The following PARD6G variants were observed in gnomAD, a reference collection of about 807,000 sequenced individuals.
The protein encoded by PARD6G is par-6 family cell polarity regulator gamma.
PARD6G carries 7 observed loss-of-function variants against 10.7 expected under a neutral mutation model. That is an observed-to-expected ratio of 0.66 (90% CI 0.37 to 1.23). The LOEUF (loss-of-function observed/expected upper bound fraction) is 1.23, where lower values mean the gene tolerates loss of function less well. PARD6G is among the 50% of genes most tolerant of loss of function. PARD6G has a pLI of 0.02. For synonymous variants in PARD6G, 287 were observed against 269.4 expected, an observed-to-expected ratio of 1.07 and a Z score of -0.64; for missense variants, 548 against 571.8, an observed-to-expected ratio of 0.96 and a Z score of 0.42.
chr18:80,160,335 C>G lies in PARD6G; in HGVS notation c.567G>C (p.Lys189Asn). ...SVRVTPHGLE[K>N]VPGIFISRMV... is the part of the protein sequence containing the mutation. ...TGCGCGAGATGAAGATGCCGGGCAC[C>G]TTCTCCAGCCCGTGCGGGGTCACGC... is the stretch of plus-strand genomic sequence containing the variant. Residue 189 changes from lysine to asparagine, a missense_variant, in exon 3 of 3, where the codon AAG becomes AAC. Physicochemically the swap from Lys to Asn is moderately conservative, Grantham distance 94 (BLOSUM62 0). Coordinates refer to ENST00000353265, the MANE Select transcript of PARD6G (RefSeq NM_032510.4). 1 of 1,611,934 alleles carries G rather than the reference C, an allele frequency of 6.2e-7. No individual in the cohort carries two copies. The highest frequency in any genetic ancestry group is 8.5e-7 in the Non-Finnish European group (1 of 1,179,806).
rs371707710 is a variant in PARD6G, at chr18:80,183,068, G to A, written c.295+19642C>T. On this transcript the variant is annotated intron_variant, in intron 2 of 2. Coordinates refer to ENST00000353265, the MANE Select transcript of PARD6G (RefSeq NM_032510.4). This position sits in a 1 kb window ranked among gnomAD's most constrained non-coding sequence, Gnocchi z 4.5. ...CATCCATTCTCTACCATGGCATGCC[G>A]ACAACAGGGGCACAGAGAAGTCCCC... 2 of 702,500 alleles carry A rather than the reference G, an allele frequency of 2.8e-6. No individual in the cohort carries two copies. The highest frequency in any genetic ancestry group is 1.5e-5 in the South Asian group (1 of 67,538). 43.5% of individuals were successfully genotyped at this position (702,500 alleles called of 1,614,324 possible). A position where few individuals can be genotyped will look rare whatever the true frequency, so the allele number is the denominator to read the frequency against.
intron 1 of PARD6G, among the ~76,000 whole-genome samples, chr18:80,219,149 C>G (rs1046974162): frequency 1.3e-5 from 2 of 152,220 alleles, no homozygotes; most frequent in Admixed American, 1.3e-4. Context: ...CATTCGGCTC[C>G]TTGTTGCTTA....
intron 1 of PARD6G, among the ~76,000 whole-genome samples, chr18:80,232,757 C>T (rs527241049): frequency 9.2e-5 from 14 of 152,254 alleles, no homozygotes; most frequent in African/African-American, 1.4e-4. Flanking sequence ...AGGCCAAACA[C>T]GCCCACACCA....
At chr18:80,220,402 G>A (rs971153301) in intron 1 of PARD6G, among the ~76,000 whole-genome samples, 1 of 152,150 alleles carries the variant, frequency 6.6e-6, no homozygotes, top group African/African-American at 2.4e-5. Context: ...TAAATGCAAT[G>A]TGTTATCCTG....
At chr18:80,244,548 A>C (rs1424510070) in intron 1 of PARD6G, among the ~76,000 whole-genome samples, 2 of 152,332 alleles carry the variant, frequency 1.3e-5, no homozygotes, top group East Asian at 3.9e-4. Context: ...AAAATGCCAA[A>C]GAATTCTGAC....
At position 80,247,267 on chromosome 18, in the gene PARD6G, G is replaced by A. The variant is rs377054744; in HGVS notation, c.72+10C>T. The A allele has an allele frequency of 1.3e-6, 2 of 1,572,810 alleles. No homozygotes were observed. The highest frequency in any genetic ancestry group is 1.7e-6 in the Non-Finnish European group (2 of 1,159,936). ...GGGCGCAGGGCCGCCGGGGCGGGCGGGGGGCTTACCTTGCTCTTGACTTCC... is the reference window on the plus strand; with the variant it reads ...GGGCGCAGGGCCGCCGGGGCGGGCGAGGGGCTTACCTTGCTCTTGACTTCC... On this transcript the variant is annotated intron_variant, in intron 1 of 2. Coordinates refer to ENST00000353265, the MANE Select transcript of PARD6G (RefSeq NM_032510.4). The surrounding 1 kb of genome is among the most constrained non-coding windows in gnomAD (Gnocchi z 4.2).
In PARD6G at chr18:80,175,642, T is replaced by C. The variant is rs2052804061; in HGVS notation, c.296-15036A>G. On this transcript the variant is annotated intron_variant, in intron 2 of 2. Transcript: ENST00000353265. This position sits in a 1 kb window ranked among gnomAD's most constrained non-coding sequence, Gnocchi z 6.7. ...CACTGTTCCGTAATTGTTCTCTTGC[T>C]GAGTGTATCTGAGTCACGTTCTCTG... 6.6e-6 allele frequency among the ~76,000 whole-genome samples: 1 copy of C among 152,226 alleles called. No homozygotes were observed. Among genetic ancestry groups the C allele is most frequent in the Non-Finnish European group, 1.5e-5 (1 of 68,038 alleles).
At chr18:80,229,249 T>G (rs180874953) in intron 1 of PARD6G, among the ~76,000 whole-genome samples, 1 of 152,178 alleles carries the variant, frequency 6.6e-6, no homozygotes, top group African/African-American at 2.4e-5. Flanking sequence ...GAAGTGGTAT[T>G]TGAAAAGGAT....
At chr18:80,224,606 G>A (rs1036557174) in intron 1 of PARD6G, among the ~76,000 whole-genome samples, 22 of 152,346 alleles carry the variant, frequency 1.4e-4, no homozygotes, top group Admixed American at 7.2e-4. Context: ...CCAGCACTTT[G>A]AGAGGCCGAG....
intron 2 of PARD6G, among the ~76,000 whole-genome samples, chr18:80,162,820 T>C (rs1424863509): frequency 6.6e-6 from 1 of 151,834 alleles, no homozygotes; most frequent in South Asian, 2.1e-4. Context: ...GGAGGGTGAG[T>C]GGCACAGAGC....
intron 2 of PARD6G, among the ~76,000 whole-genome samples, chr18:80,194,877 G>A (rs1365101534): frequency 1.3e-5 from 2 of 152,138 alleles, no homozygotes; most frequent in South Asian, 2.1e-4. Context: ...GAGCCCCTCC[G>A]AGGGGATGGC....
At chr18:80,190,435 G>A (rs905780971) in intron 2 of PARD6G, among the ~76,000 whole-genome samples, 3 of 152,170 alleles carry the variant, frequency 2.0e-5, no homozygotes, top group African/African-American at 4.8e-5. Context: ...GTCCAAGGAG[G>A]TGTCCCTTTA....
At position 80,159,347 on chromosome 18, in the gene PARD6G, C is replaced by CAAGT. The variant is rs2052678138; in HGVS notation, c.*420_*423dup. On this transcript the variant is annotated 3_prime_UTR_variant, in exon 3 of 3. Coordinates refer to ENST00000353265, the MANE Select transcript of PARD6G (RefSeq NM_032510.4). The stretch of plus-strand genomic sequence containing the variant: ...ACATCAGCACAGTCGGCCTCGCCTG[C>CAAGT]AAGTCAGCAGAGAGCACAGCAAGAA... 1 of 155,790 alleles carries CAAGT rather than the reference C, an allele frequency of 6.4e-6. No homozygotes were observed. Among genetic ancestry groups the CAAGT allele is most frequent in the Non-Finnish European group, 1.4e-5 (1 of 70,460 alleles). 9.7% of individuals were successfully genotyped at this position (155,790 alleles called of 1,614,324 possible).
chr18:80,218,938 A>G (rs1014847370), intron 1 of PARD6G, among the ~76,000 whole-genome samples: 1 of 152,202 alleles, frequency 6.6e-6, no homozygotes, highest in Non-Finnish European at 1.5e-5. Context: ...CCTGAGCTGT[A>G]TGTTGGCCCC....
chr18:80,232,948 C>A (rs1383254751), intron 1 of PARD6G, among the ~76,000 whole-genome samples: 1 of 152,126 alleles, frequency 6.6e-6, no homozygotes, highest in African/African-American at 2.4e-5. Flanking sequence ...ACAGGTAAAC[C>A]CTCCTGAGGG....
intron 1 of PARD6G, among the ~76,000 whole-genome samples, chr18:80,237,762 G>C (rs1967441382): frequency 6.6e-6 from 1 of 152,138 alleles, no homozygotes; most frequent in South Asian, 2.1e-4. Context: ...ATCATCACTG[G>C]CCATCAGAGA....
intron 1 of PARD6G, among the ~76,000 whole-genome samples, chr18:80,240,559 A>G (rs1967478935): frequency 6.6e-6 from 1 of 152,114 alleles, no homozygotes; most frequent in Non-Finnish European, 1.5e-5. Flanking sequence ...CTGGCCTCTG[A>G]AAACATGTGG....
intron 1 of PARD6G, among the ~76,000 whole-genome samples, chr18:80,219,213 T>TTTGC (rs1406176453): frequency 6.6e-6 from 1 of 151,880 alleles, no homozygotes; most frequent in Non-Finnish European, 1.5e-5. Context: ...GGTTTGTTTG[T>TTTGC]TTGTTTGTTT....
chr18:80,161,213 T>C lies in PARD6G; in HGVS notation c.296-607A>G, dbSNP rs929439552. Among the ~76,000 whole-genome samples, 2 of 152,046 alleles carry C rather than the reference T, an allele frequency of 1.3e-5. No homozygotes were observed. The highest frequency in any genetic ancestry group is 4.8e-5 in the African/African-American group (2 of 41,396). On this transcript the variant is annotated intron_variant, in intron 2 of 2. Transcript: ENST00000353265. This position sits in a 1 kb window ranked among gnomAD's most constrained non-coding sequence, Gnocchi z 4.6. Reference sequence around the variant, plus strand: ...GAGATGAGTAGAGGAAGGAGTGGGATCAGAGGATGGCTGCTTCCCTTCTGT... The same window carrying C: ...GAGATGAGTAGAGGAAGGAGTGGGACCAGAGGATGGCTGCTTCCCTTCTGT...
Sources: gnomAD v4.1 joint callset for allele counts (sites outside exome capture counted in the v4.1 genomes callset) on GRCh38, gnomAD v4.1.1 for gene constraint, Gnocchi (gnomAD v3.1) non-coding constraint, MANE v1.5 for transcripts, NCBI Gene and HGNC (gene_info 2026-07-23, HGNC 2026-07-21) for gene names.